The following IL1RAPL1 variants were observed in gnomAD, a reference collection of about 807,000 sequenced individuals.
IL1RAPL1 encodes the protein interleukin-1 receptor accessory protein-like 1.
A neutral mutation model predicts 48.4 loss-of-function variants in IL1RAPL1; 3 were observed. The ratio of observed to expected loss-of-function variants is 0.06; its 90% CI spans 0.03 to 0.16. The LOEUF (loss-of-function observed/expected upper bound fraction) is 0.16. IL1RAPL1 is among the 10% of genes least tolerant of loss of function. IL1RAPL1 has a pLI of 1.00. For missense variants in IL1RAPL1, 349 were observed against 530.6 expected (o/e 0.66, Z 3.36); for synonymous variants, 185 against 187.7 (o/e 0.99, Z 0.12).
chrX:29,865,722 C>T (rs1931678629), intron 6 of IL1RAPL1, among the ~76,000 whole-genome samples: 1 of 102,130 alleles, frequency 9.8e-6, no homozygotes, highest in African/African-American at 3.6e-5. Flanking sequence ...CTGCAACCTG[C>T]ACCTCCCACA....
At chrX:29,211,718 C>T (rs760712074) in intron 2 of IL1RAPL1, among the ~76,000 whole-genome samples, 24 of 111,096 alleles carry the variant, frequency 2.2e-4, no homozygotes, top group African/African-American at 7.9e-4. Context: ...AGAAGTCAGA[C>T]GTAGAATTCC....
chrX:29,562,982 A>G (rs1445913785), intron 5 of IL1RAPL1, among the ~76,000 whole-genome samples: 3 of 111,895 alleles, frequency 2.7e-5, no homozygotes, highest in African/African-American at 9.7e-5. Flanking sequence ...TGGTAAGGAA[A>G]TGATATCTCT....
At chrX:29,295,509 A>G (rs1932437059) in intron 3 of IL1RAPL1, among the ~76,000 whole-genome samples, 1 of 112,193 alleles carries the variant, frequency 8.9e-6, no homozygotes, top group African/African-American at 3.2e-5. Flanking sequence ...TTACACATAT[A>G]TGATCACTGA....
intron 6 of IL1RAPL1, among the ~76,000 whole-genome samples, chrX:29,887,795 T>C (rs982184683): frequency 5.4e-5 from 6 of 111,283 alleles, no homozygotes; most frequent in Non-Finnish European, 9.4e-5. Flanking sequence ...CGTCCTCTTT[T>C]GAGAGGTCTA....
At chrX:29,894,412 G>A (rs1029148280) in intron 6 of IL1RAPL1, among the ~76,000 whole-genome samples, 7 of 111,781 alleles carry the variant, frequency 6.3e-5, no homozygotes, top group South Asian at 7.4e-4. Context: ...GAACATTATC[G>A]TAAGAAAACC....
intron 1 of IL1RAPL1, among the ~76,000 whole-genome samples, chrX:28,601,277 T>A (rs1934022544): frequency 9.1e-6 from 1 of 110,431 alleles, no homozygotes; most frequent in South Asian, 3.9e-4. Context: ...AATAATTAGC[T>A]GGGCGTGGTG....
At chrX:29,601,961 ATTTGTTTGTTTT>A (rs757769464) in intron 5 of IL1RAPL1, among the ~76,000 whole-genome samples, 2 of 111,712 alleles carry the variant, frequency 1.8e-5, no homozygotes, top group Non-Finnish European at 3.8e-5. Context: ...TGGAGTATTC[ATTTGTTTGTTTT>A]TTTGTTTGTT....
chrX:28,958,893 C>CA (rs928168597), intron 2 of IL1RAPL1, among the ~76,000 whole-genome samples: 15 of 110,111 alleles, frequency 1.4e-4, no homozygotes, highest in African/African-American at 4.3e-4. Flanking sequence ...ATGTCTCTGA[C>CA]AAAAAAAAGT....
chrX:29,027,885 T>C (rs1926521026), intron 2 of IL1RAPL1, among the ~76,000 whole-genome samples: 1 of 110,911 alleles, frequency 9.0e-6, no homozygotes, highest in Non-Finnish European at 1.9e-5. Flanking sequence ...TAAATTGGAT[T>C]ATTTGTTTTT....
chrX:29,231,732 TAGTC>T (rs1231902573), intron 2 of IL1RAPL1, among the ~76,000 whole-genome samples: 1 of 111,818 alleles, frequency 8.9e-6, no homozygotes, highest in African/African-American at 3.3e-5. Context: ...TACACATTGT[TAGTC>T]AGTAGGTGAC....
intron 5 of IL1RAPL1, among the ~76,000 whole-genome samples, chrX:29,418,904 A>G (rs1961058327): frequency 8.9e-6 from 1 of 112,225 alleles, no homozygotes; most frequent in Admixed American, 9.5e-5. Context: ...CTGCCTTTTC[A>G]TGTGTCATTT....
At chrX:29,680,729 G>T (rs1225396490) in intron 6 of IL1RAPL1, among the ~76,000 whole-genome samples, 1 of 111,924 alleles carries the variant, frequency 8.9e-6, no homozygotes, top group Non-Finnish European at 1.9e-5. Flanking sequence ...TTAACTTAGT[G>T]AGGGTAGAAT....
At chrX:29,294,049 A>G (rs1363265925) in intron 3 of IL1RAPL1, among the ~76,000 whole-genome samples, 1 of 110,192 alleles carries the variant, frequency 9.1e-6, no homozygotes, top group Non-Finnish European at 1.9e-5. Flanking sequence ...AAAAAAAAAA[A>G]ATAAATGAAT....
intron 6 of IL1RAPL1, among the ~76,000 whole-genome samples, chrX:29,691,849 G>T (rs1226027174): frequency 9.1e-6 from 1 of 109,752 alleles, no homozygotes; most frequent in African/African-American, 3.3e-5. Context: ...GTTAATGATC[G>T]TGTCCTGCCT....
chrX:28,865,438 C>CAAAA (rs146883962), intron 2 of IL1RAPL1, among the ~76,000 whole-genome samples: 6 of 83,556 alleles, frequency 7.2e-5, no homozygotes, highest in Non-Finnish European at 9.3e-5. Context: ...GACCCTGTCT[C>CAAAA]AAAAAAAAAA....
intron 2 of IL1RAPL1, among the ~76,000 whole-genome samples, chrX:29,203,722 A>AATATAGATATATATATATATATATATAT (rs1419764371): frequency 3.8e-5 from 3 of 78,412 alleles, no homozygotes; most frequent in African/African-American, 1.6e-4. Context: ...TCCGTCTCAA[A>AATATAGATATATATATATATATATATAT]ATATATATAT....
chrX:29,573,888 G>A (rs1017187598), intron 5 of IL1RAPL1, among the ~76,000 whole-genome samples: 1 of 111,501 alleles, frequency 9.0e-6, no homozygotes, highest in Non-Finnish European at 1.9e-5. Flanking sequence ...GATGTATCTA[G>A]GTTGGAAGAA....
chrX:29,429,663 A>T (rs1267859061), intron 5 of IL1RAPL1, among the ~76,000 whole-genome samples: 2 of 110,963 alleles, frequency 1.8e-5, no homozygotes, highest in Non-Finnish European at 3.8e-5. Flanking sequence ...TCTCTTCCTC[A>T]GTAATCAGTG....
At chrX:28,994,742 A>G (rs1052109973) in intron 2 of IL1RAPL1, among the ~76,000 whole-genome samples, 9 of 112,115 alleles carry the variant, frequency 8.0e-5, no homozygotes, top group South Asian at 3.7e-4. Context: ...TTTTATTTCA[A>G]TGAAAAATCT....
Sources: gnomAD v4.1 joint callset for allele counts (sites outside exome capture counted in the v4.1 genomes callset) on GRCh38, gnomAD v4.1.1 for gene constraint, MANE v1.5 for transcripts, NCBI Gene and HGNC (gene_info 2026-07-23, HGNC 2026-07-21) for gene names.